Variants in NBEAL1 observed in about 807,000 individuals in gnomAD.
The protein encoded by NBEAL1 is neurobeachin like 1.
In NBEAL1, 273 loss-of-function variants were observed where a neutral mutation model predicts 351.3. The ratio of observed to expected loss-of-function variants is 0.78; its 90% CI spans 0.70 to 0.86. NBEAL1 has a LOEUF of 0.86. NBEAL1 is among the 40% of genes least tolerant of loss of function. The pLI is 0.00. For synonymous variants in NBEAL1, 1,050 were observed against 1,086.4 expected (o/e 0.97, Z 0.66); for missense variants, 2,961 against 3,201.3 (o/e 0.92, Z 1.81).
At position 203,209,321 on chromosome 2, in the gene NBEAL1, A is replaced by T. The variant is rs1354438708; in HGVS notation, c.7784A>T (p.Lys2595Met). ...YSSTEEKTTL[K>M]DKNALHLFSI... The stretch of plus-strand genomic sequence containing the variant: ...AGCACTGAAGAAAAGACCACCCTCA[A>T]GGTATATGACCTTTCATGCAATAGA... Residue 2595 changes from lysine (K) to methionine (M), a missense_variant and splice_region_variant, in exon 53 of 56, where the codon AAG becomes ATG. Lys to Met is a moderately conservative substitution (Grantham distance 95). Transcript: ENST00000683969. 1 of 1,613,054 alleles carries T rather than the reference A, an allele frequency of 6.2e-7. No homozygotes were observed.
In NBEAL1 at chr2:203,135,782, A is replaced by G. The variant is rs778749847; in HGVS notation, c.3919A>G (p.Asn1307Asp). The G allele has an allele frequency of 6.2e-7, 1 of 1,610,368 alleles. No homozygotes were observed. Among genetic ancestry groups the G allele is most frequent in the South Asian group, 1.1e-5 (1 of 90,320 alleles). The change falls in exon 28 of 56, where the codon AAC becomes GAC. Residue 1307 changes from asparagine to aspartate, a missense_variant. Asn to Asp is a conservative substitution (Grantham distance 23, BLOSUM62 1). Transcript: ENST00000683969. ...VRLFLKAKFE[N>D]GNTLHKHSRA... Reference sequence around the variant, plus strand: ...GCTTTTTTTAAAAGCAAAATTTGAAAACGGAAATACTCTTCATAAGCACAG... The same window carrying G: ...GCTTTTTTTAAAAGCAAAATTTGAAGACGGAAATACTCTTCATAAGCACAG...
intron 36 of NBEAL1, among the ~76,000 whole-genome samples, chr2:203,163,515 AAAAAGATACT>A (rs2064033310): frequency 6.6e-6 from 1 of 152,178 alleles, no homozygotes; most frequent in Non-Finnish European, 1.5e-5. Context: ...CCCTCACCCC[AAAAAGATACT>A]GAAATCACCT....
intron 6 of NBEAL1, among the ~76,000 whole-genome samples, chr2:203,059,693 T>C (rs1317279022): frequency 6.6e-6 from 1 of 152,226 alleles, no homozygotes; most frequent in African/African-American, 2.4e-5. Context: ...ACCTTTTATC[T>C]CTGCTTATGC....
intron 19 of NBEAL1, among the ~76,000 whole-genome samples, chr2:203,122,544 T>C (rs571130282): frequency 6.6e-6 from 1 of 152,352 alleles, no homozygotes; most frequent in African/African-American, 2.4e-5. Flanking sequence ...GAAGTATAGT[T>C]ACCTTTGTAA....
chr2:203,023,695 C>T (rs893291744), intron 2 of NBEAL1, among the ~76,000 whole-genome samples: 11 of 150,934 alleles, frequency 7.3e-5, no homozygotes, highest in Non-Finnish European at 1.5e-4. Context: ...ACTAGGTTTT[C>T]AGGTAAGCAT....
intron 54 of NBEAL1, 38 bp from the exon 55 acceptor site, chr2:203,213,480 C>T: frequency 6.5e-7 from 1 of 1,527,816 alleles, no homozygotes; most frequent in Non-Finnish European, 9.0e-7. Flanking sequence ...CATTATAAAT[C>T]CGTGTAATTA....
Position 203,190,159 on chromosome 2 carries a change from T to TACAC in NBEAL1, c.6824-86_6824-83dup, listed in dbSNP as rs71034227. 6.8e-3 allele frequency: 3,047 copies of TACAC among 450,056 alleles called. 45 individuals are homozygous for TACAC. Among genetic ancestry groups the TACAC allele is most frequent in the African/African-American group, 0.041 (1,681 of 41,440 alleles). 27.9% of individuals were successfully genotyped at this position (450,056 alleles called of 1,614,324 possible). ...TCAAAAAAAAAAAAAAAGATGTGTGTACACACACACACACACACACACACA... is the reference window on the plus strand; with the variant it reads ...TCAAAAAAAAAAAAAAAGATGTGTGTACACACACACACACACACACACACACACA... On this transcript the variant is annotated intron_variant, in intron 45 of 55. Transcript: ENST00000683969.
intron 12 of NBEAL1, among the ~76,000 whole-genome samples, chr2:203,102,029 C>T (rs2062337742): frequency 6.6e-6 from 1 of 152,192 alleles, no homozygotes; most frequent in African/African-American, 2.4e-5. Flanking sequence ...TTTCACCTCA[C>T]TGGTTAGCCA....
rs187494535 is a variant in NBEAL1, at chr2:203,055,950, T to C, written c.306-477T>C. ...GACTTTTAATGTAGTTGAGGAAATA[T>C]GACATCCTTAAAAGGAAACCGTAAT... On this transcript the variant is annotated intron_variant, in intron 4 of 55. Coordinates refer to ENST00000683969, the MANE Select transcript of NBEAL1 (RefSeq NM_001378026.1). Among the ~76,000 whole-genome samples, 728 of 152,278 alleles carry C rather than the reference T, an allele frequency of 4.8e-3. 12 individuals are homozygous for C. Among genetic ancestry groups the C allele is most frequent in the South Asian group, 4.1e-3 (20 of 4,830 alleles).
intron 12 of NBEAL1, 55 bp from the exon 13 acceptor site, chr2:203,107,365 C>T: frequency 4.9e-6 from 4 of 809,900 alleles, no homozygotes; most frequent in East Asian, 5.5e-5. Flanking sequence ...TTTAATATTC[C>T]AACATATTCA....
chr2:203,026,979 G>T (rs2060869328), intron 2 of NBEAL1, among the ~76,000 whole-genome samples: 2 of 152,114 alleles, frequency 1.3e-5, no homozygotes, highest in Admixed American at 1.3e-4. Context: ...CGTTCAGCCT[G>T]GCTGTTGACA....
chr2:203,118,290 A>G (rs2062745857), intron 18 of NBEAL1, among the ~76,000 whole-genome samples: 1 of 151,758 alleles, frequency 6.6e-6, no homozygotes, highest in African/African-American at 2.4e-5. Flanking sequence ...TTCATCTAAT[A>G]TATACTCTGT....
intron 44 of NBEAL1, 81 bp downstream of exon 44, chr2:203,183,469 G>T (rs1371031173): frequency 1.3e-6 from 1 of 781,786 alleles, no homozygotes; most frequent in Non-Finnish European, 2.1e-6. Context: ...ATCTGACTTA[G>T]TTATTTTTCT....
Position 203,126,711 on chromosome 2 carries a change from G to GA in NBEAL1, c.3142dup (p.Ile1048AsnfsTer12), listed in dbSNP as rs1559385006. 2 of 1,502,580 alleles carry GA rather than the reference G, an allele frequency of 1.3e-6. No individual in the cohort carries two copies. The highest frequency in any genetic ancestry group is 1.8e-6 in the Non-Finnish European group (2 of 1,125,474). 93.1% of individuals were successfully genotyped at this position (1,502,580 alleles called of 1,614,324 possible). On this transcript the variant is annotated frameshift_variant, in exon 22 of 56. Coordinates refer to ENST00000683969, the MANE Select transcript of NBEAL1 (RefSeq NM_001378026.1). LOFTEE classifies it high-confidence loss of function. Reference sequence around the variant, plus strand: ...TGGAACCGTGGAGATTTTCCCTTTCGAATCGGTGAGAGCAGGCTTTCAGAT... The same window carrying GA: ...TGGAACCGTGGAGATTTTCCCTTTCGAAATCGGTGAGAGCAGGCTTTCAGAT...
intron 29 of NBEAL1, among the ~76,000 whole-genome samples, 183 bp from the exon 30 acceptor site, chr2:203,137,973 ATCTCTG>A (rs1559395836): frequency 6.7e-6 from 1 of 148,800 alleles, no homozygotes; most frequent in African/African-American, 2.5e-5. Context: ...GACAAGAGCG[ATCTCTG>A]CACTCCGTCT....
At chr2:203,079,401 T>C (rs1395666015) in intron 8 of NBEAL1, among the ~76,000 whole-genome samples, 1 of 152,176 alleles carries the variant, frequency 6.6e-6, no homozygotes, top group East Asian at 1.9e-4. Context: ...ACAAGTATTA[T>C]TTATACTACT....
rs772324067 is a variant in NBEAL1, at chr2:203,208,751, A to G, written c.7621A>G (p.Arg2541Gly). ...TELDMAVSGS[R>G]DGTVIIHTIQ... The stretch of plus-strand genomic sequence containing the variant: ...GCTAGACATGGCAGTGTCAGGATCA[A>G]GGGTAAGATTTCACCTTTAAGAAAT... The change falls in exon 52 of 56, where the codon AGG (arginine) becomes GGG (glycine). Residue 2541 changes from arginine (R) to glycine (G), a missense_variant and splice_region_variant. By Grantham distance (125) the Arg-to-Gly change is moderately radical. Coordinates refer to ENST00000683969, the MANE Select transcript of NBEAL1 (RefSeq NM_001378026.1). The G allele has an allele frequency of 1.0e-5, 16 of 1,580,704 alleles. No homozygotes were observed. The highest frequency in any genetic ancestry group is 2.0e-5 in the Admixed American group (1 of 50,648).
intron 46 of NBEAL1, chr2:203,190,628 C>A: frequency 4.5e-6 from 2 of 445,102 alleles, no homozygotes; most frequent in Non-Finnish European, 3.2e-6. Flanking sequence ...CTTCTAATAG[C>A]TAACATCTGC....
chr2:203,172,446 A>G (rs2064350753), intron 40 of NBEAL1, among the ~76,000 whole-genome samples: 1 of 152,118 alleles, frequency 6.6e-6, no homozygotes, highest in Admixed American at 6.6e-5. Context: ...GCTTGAACTC[A>G]GGAGGCAGAG....
Sources: gnomAD v4.1 joint callset for allele counts (sites outside exome capture counted in the v4.1 genomes callset) on GRCh38, gnomAD v4.1.1 for gene constraint, MANE v1.5 for transcripts, NCBI Gene and HGNC (gene_info 2026-07-23, HGNC 2026-07-21) for gene names.